Variants in PTPRS observed in about 807,000 individuals in gnomAD.
PTPRS encodes the protein receptor-type tyrosine-protein phosphatase S.
Under a neutral mutation model 215.3 loss-of-function variants are expected in PTPRS, and 63 were observed. The observed-to-expected ratio is 0.29, with a 90% CI of 0.24 to 0.36. The LOEUF is 0.36. Ranked by LOEUF, PTPRS falls within the 10% of genes least tolerant of loss-of-function variation. The pLI is 1.00. For missense variants in PTPRS, 2,258 were observed against 2,825.8 expected, an observed-to-expected ratio of 0.80 and a Z score of 4.56; for synonymous variants, 1,404 against 1,191.4, an observed-to-expected ratio of 1.18 and a Z score of -3.68.
At chr19:5,322,588 A>C (rs568277866) in intron 1 of PTPRS, among the ~76,000 whole-genome samples, 1 of 152,258 alleles carries the variant, frequency 6.6e-6, no homozygotes, top group African/African-American at 2.4e-5. Context: ...GCCCGCAGAA[A>C]GACCTCAGGC....
At chr19:5,236,486 C>T (rs2043450813) in intron 13 of PTPRS, among the ~76,000 whole-genome samples, 2 of 152,234 alleles carry the variant, frequency 1.3e-5, no homozygotes, top group African/African-American at 4.8e-5. Context: ...TCTACGTCCC[C>T]TGGAGGGAGG....
chr19:5,329,199 G>C (rs954696971), intron 1 of PTPRS, among the ~76,000 whole-genome samples: 6 of 152,124 alleles, frequency 3.9e-5, no homozygotes, highest in African/African-American at 1.4e-4. Context: ...GAGAAGGATA[G>C]GTCTACATGG....
chr19:5,217,549 AAG>A (rs1555742876), intron 25 of PTPRS, among the ~76,000 whole-genome samples: 1 of 152,100 alleles, frequency 6.6e-6, no homozygotes, highest in Non-Finnish European at 1.5e-5. Flanking sequence ...GACAAAAAAA[AAG>A]AAAGTACATC....
At position 5,218,449 on chromosome 19, in the gene PTPRS, T is replaced by G. The variant is rs1366044529; in HGVS notation, c.4019A>C (p.Glu1340Ala). ...LAPHHPKDPVEMRRINFQTPD... is the reference protein window; with the variant it reads ...LAPHHPKDPVAMRRINFQTPD... ...AGTCTGGAAGTTAATGCGTCTCATT[T>G]CCACAGGGTCCTTGGGGTGGTGAGG... The change falls in exon 25 of 38, where the codon GAA becomes GCA. Residue 1340 changes from glutamate (E) to alanine (A), a missense_variant. Transcript: ENST00000262963. 1 of 1,613,972 alleles carries G rather than the reference T, an allele frequency of 6.2e-7. No individual in the cohort carries two copies. The highest frequency in any genetic ancestry group is 1.7e-5 in the Admixed American group (1 of 59,958).
Position 5,211,921 on chromosome 19 carries a change from C to T in PTPRS, c.5055+44G>A, listed in dbSNP as rs371281982. 8.4e-6 allele frequency: 13 copies of T among 1,549,266 alleles called. No homozygotes were observed. In the African/African-American group the frequency reaches 1.6e-4, roughly 19 times the overall value. Reference sequence around the variant, plus strand: ...CGGGCCTGATTTTCGGCTCTTTGGGCCTCCTCCCCACCCCGCCCACAGCAG... The same window carrying T: ...CGGGCCTGATTTTCGGCTCTTTGGGTCTCCTCCCCACCCCGCCCACAGCAG... On this transcript the variant is annotated intron_variant, in intron 32 of 37. Transcript: ENST00000262963.
intron 30 of PTPRS, among the ~76,000 whole-genome samples, chr19:5,212,951 TCACA>T (rs1169857650): frequency 1.3e-5 from 2 of 151,868 alleles, no homozygotes; most frequent in Non-Finnish European, 2.9e-5. Context: ...TGCGGACGCC[TCACA>T]CACAACGTGG....
chr19:5,225,661 G>T, intron 17 of PTPRS, 66 bp downstream of exon 17: 1 of 1,367,584 alleles, frequency 7.3e-7, no homozygotes, highest in Non-Finnish European at 1.0e-6. Flanking sequence ...GGACTCTGGA[G>T]TCACGCTCTG....
At position 5,245,846 on chromosome 19, in the gene PTPRS, C is replaced by A; in HGVS notation, c.918G>T (p.Ser306=). 1 of 1,613,696 alleles carries A rather than the reference C, an allele frequency of 6.2e-7. No individual in the cohort carries two copies. The highest frequency in any genetic ancestry group is 8.5e-7 in the Non-Finnish European group (1 of 1,179,870). Residue 306 remains serine, a synonymous_variant, in exon 10 of 38, where the codon TCG becomes TCT. Coordinates refer to ENST00000262963, the MANE Select transcript of PTPRS (RefSeq NM_002850.4). The stretch of plus-strand genomic sequence containing the variant: ...ACATGGCCACGCAGGTGTAGTTGGC[C>A]GAGTCCTTGACATCTGTGAGTTCCA... ...NVLELTDVKD[S]ANYTCVAMSS... is the part of the protein sequence containing the mutation.
chr19:5,312,953 C>T (rs1023808156), intron 1 of PTPRS, among the ~76,000 whole-genome samples: 3 of 152,176 alleles, frequency 2.0e-5, no homozygotes, highest in Non-Finnish European at 4.4e-5. Flanking sequence ...CTCACTCTGT[C>T]GCCCAGGCTG....
intron 13 of PTPRS, among the ~76,000 whole-genome samples, chr19:5,238,367 G>A (rs1236418660): frequency 2.0e-5 from 3 of 152,126 alleles, no homozygotes; most frequent in Non-Finnish European, 2.9e-5. Context: ...CCTCGGCTCC[G>A]ATTCCACCCC....
chr19:5,278,919 G>A (rs1277587215), intron 2 of PTPRS, among the ~76,000 whole-genome samples: 1 of 152,012 alleles, frequency 6.6e-6, no homozygotes, highest in Non-Finnish European at 1.5e-5. Context: ...GGTTGGGCAT[G>A]GTGGCTCATA....
At chr19:5,285,188 G>C (rs148960593) in intron 2 of PTPRS, among the ~76,000 whole-genome samples, 46 of 152,304 alleles carry the variant, frequency 3.0e-4, no homozygotes, top group South Asian at 6.2e-4. Flanking sequence ...GGGAGGCTGA[G>C]CCACTAGCCC....
chr19:5,319,708 C>T (rs889003668), intron 1 of PTPRS, among the ~76,000 whole-genome samples: 11 of 152,048 alleles, frequency 7.2e-5, no homozygotes, highest in Non-Finnish European at 1.2e-4. Flanking sequence ...ACACGCCAGG[C>T]GTGGTCCTGC....
rs1274232784 is a variant in PTPRS, at chr19:5,222,177, T to C, written c.3147A>G (p.Ser1049=). 1.2e-6 allele frequency: 2 copies of C among 1,614,050 alleles called. No homozygotes were observed. Among genetic ancestry groups the C allele is most frequent in the East Asian group, 2.2e-5 (1 of 44,874 alleles). Residue 1049 remains serine, a synonymous_variant, in exon 19 of 38, where the codon TCA becomes TCG. Transcript: ENST00000262963. ...CAGGGAACTCCCAGCTGAGCAGAAC[T>C]GATGTCTTCATGATCATTTTCACCT... The part of the protein sequence containing the change: ...NFKVKMIMKT[S]VLLSWEFPDN...
At chr19:5,220,218 G>A (rs2041855127) in intron 21 of PTPRS, 42 bp downstream of exon 21, 1 of 1,609,604 alleles carries the variant, frequency 6.2e-7, no homozygotes, top group African/African-American at 1.3e-5. Context: ...CGTGAAAACT[G>A]GAATGCATCT....
intron 9 of PTPRS, among the ~76,000 whole-genome samples, chr19:5,254,653 C>T (rs981538029): frequency 1.3e-5 from 2 of 152,162 alleles, no homozygotes; most frequent in Admixed American, 1.3e-4. Context: ...AATTCCACAG[C>T]TCTGATGCTC....
intron 1 of PTPRS, among the ~76,000 whole-genome samples, chr19:5,317,713 A>G (rs966350467): frequency 9.9e-5 from 15 of 152,164 alleles, no homozygotes; most frequent in African/African-American, 3.4e-4. Flanking sequence ...ATAGATCTTT[A>G]AAGTAAGAGG....
rs951391802 is a variant in PTPRS at position 5,208,915 on chromosome 19, G to A, written c.5488-524C>T. ...GTCATCTTCCACTCTGTGCCATTTC[G>A]GGGCCCTACAGCACAACTCAACTCC... On this transcript the variant is annotated intron_variant, in intron 35 of 37. Transcript: ENST00000262963. Among the ~76,000 whole-genome samples, 4 of 151,878 alleles carry A rather than the reference G, an allele frequency of 2.6e-5. 1 individual carries two copies. The highest frequency in any genetic ancestry group is 7.3e-5 in the African/African-American group (3 of 41,322).
chr19:5,215,282 G>A lies in PTPRS; in HGVS notation c.4318+7C>T, dbSNP rs200229708. On this transcript the variant is annotated splice_region_variant and intron_variant, in intron 28 of 37. Transcript: ENST00000262963. ...GGGCAGGTTAAGACCCGGGATCTCC[G>A]AACTACCTTCAATGGGCTGGAGGAT... 2,109 of 1,613,316 alleles carry A rather than the reference G, an allele frequency of 1.3e-3. 1 individual carries two copies. Among genetic ancestry groups the A allele is most frequent in the Non-Finnish European group, 1.7e-3 (1,983 of 1,179,464 alleles).
Sources: allele counts gnomAD v4.1 joint callset (sites outside exome capture counted in the v4.1 genomes callset), GRCh38; gene constraint gnomAD v4.1.1; transcripts MANE v1.5; gene names NCBI Gene and HGNC (gene_info 2026-07-23, HGNC 2026-07-21).